The following PI4KA variants were observed in gnomAD, a reference collection of about 807,000 sequenced individuals.
The protein encoded by PI4KA is phosphatidylinositol 4-kinase alpha, also known as PI4-kinase alpha.
A neutral mutation model predicts 271.4 loss-of-function variants in PI4KA; 122 were observed. The ratio of observed to expected loss-of-function variants is 0.45; its 90% CI spans 0.39 to 0.52. The LOEUF is 0.52. Among genes scored for constraint, PI4KA ranks in the 20% least tolerant of loss-of-function variants. The pLI is 0.00. For synonymous variants in PI4KA, 1,041 were observed against 1,078.8 expected, an observed-to-expected ratio of 0.96 and a Z score of 0.69; for missense variants, 1,969 against 2,769.1, an observed-to-expected ratio of 0.71 and a Z score of 6.48.
chr22:20,816,615 G>C (rs117301753), intron 7 of PI4KA, among the ~76,000 whole-genome samples: 4,497 of 152,240 alleles, frequency 0.03, 88 homozygotes, highest in Middle Eastern at 0.061. Flanking sequence ...CTGGGTGACA[G>C]AGCAGGACCC....
intron 29 of PI4KA, 148 bp downstream of exon 29, chr22:20,747,435 G>T: frequency 4.3e-6 from 3 of 701,288 alleles, no homozygotes; most frequent in East Asian, 2.9e-5. Context: ...GGTGCGGCTT[G>T]CACCACTACC....
chr22:20,751,328 G>A lies in PI4KA; in HGVS notation c.3118C>T (p.Arg1040Trp), dbSNP rs763652573. The A allele has an allele frequency of 7.4e-6, 12 of 1,613,944 alleles. No individual in the cohort carries two copies. Among genetic ancestry groups the A allele is most frequent in the African/African-American group, 5.3e-5 (4 of 74,904 alleles). The change falls in exon 27 of 55, where the codon CGG (arginine) becomes TGG (tryptophan). Residue 1040 changes from arginine to tryptophan, a missense_variant. Arg to Trp is a moderately radical substitution (Grantham distance 101). Coordinates refer to ENST00000255882, the MANE Select transcript of PI4KA (RefSeq NM_058004.4). ...PYYDIPDAPY[R>W]ITVPDTYEAR... ...TCGTACGTGTCAGGAACCGTGATCC[G>A]GTAGGGGGCGTCGGGGATGTCATAG... is the stretch of plus-strand genomic sequence containing the variant.
intron 4 of PI4KA, among the ~76,000 whole-genome samples, chr22:20,822,051 G>T (rs1019276635): frequency 3.9e-5 from 6 of 152,146 alleles, no homozygotes; most frequent in African/African-American, 1.4e-4. Flanking sequence ...GACGTGTGAG[G>T]GTCACTTGAG....
intron 22 of PI4KA, among the ~76,000 whole-genome samples, chr22:20,762,969 T>A (rs1287777476): frequency 7.6e-6 from 1 of 130,824 alleles, no homozygotes; most frequent in African/African-American, 2.9e-5. Context: ...TAGCTGGGAC[T>A]ACAGGCATGT....
At chr22:20,825,074 A>AAAAAAT (rs1020577515) in intron 3 of PI4KA, among the ~76,000 whole-genome samples, 7 of 151,600 alleles carry the variant, frequency 4.6e-5, no homozygotes, top group African/African-American at 1.7e-4. Context: ...CATCTCAAAA[A>AAAAAAT]AAAAAAAAAA....
chr22:20,820,484 A>C, intron 5 of PI4KA, 55 bp downstream of exon 5: 2 of 1,134,526 alleles, frequency 1.8e-6, no homozygotes, highest in East Asian at 2.3e-5. Context: ...GGAGAAAAGC[A>C]AGGGAAAGAG....
At chr22:20,754,501 G>A (rs1409709662) in intron 23 of PI4KA, among the ~76,000 whole-genome samples, 1 of 152,194 alleles carries the variant, frequency 6.6e-6, no homozygotes, top group Non-Finnish European at 1.5e-5. Flanking sequence ...CCACCACAGC[G>A]ATTGATATTT....
chr22:20,858,611 C>T lies in PI4KA; in HGVS notation c.115G>A (p.Ala39Thr). 6.7e-6 allele frequency: 10 copies of T among 1,482,480 alleles called. No individual in the cohort carries two copies. The highest frequency in any genetic ancestry group is 7.1e-6 in the Non-Finnish European group (8 of 1,121,872). The allele number at this position is 1,482,480 out of a possible 1,614,324, so 91.8% of individuals were successfully genotyped here. A position where few individuals can be genotyped will look rare whatever the true frequency, so the allele number is the denominator to read the frequency against. The change falls in exon 1 of 55, where the codon GCC becomes ACC. Residue 39 changes from alanine to threonine, a missense_variant. Physicochemically the swap from Ala to Thr is moderately conservative, Grantham distance 58. This residue lies in a region of PI4KA where 540 missense variants were observed against 555.5 expected (regional missense o/e 0.97). Transcript: ENST00000255882. ...GFYFNTVLSL[A>T]RSLAVQRPAS... The stretch of plus-strand genomic sequence containing the variant: ...GGTCTCTGCACCGCCAGGGAGCGGG[C>T]CAGTGACAGGACCGTGTTGAAATAG...
intron 50 of PI4KA, 94 bp from the exon 51 acceptor site, chr22:20,711,555 C>A: frequency 8.6e-7 from 1 of 1,168,420 alleles, no homozygotes. Context: ...TGTGGGCACT[C>A]TCCCTGGCTC....
rs760557848 is a variant in PI4KA, at chr22:20,786,036, TGGA to T, written c.2328+7154_2328+7156del. The T allele has an allele frequency of 2.5e-6, 4 of 1,614,058 alleles. No individual in the cohort carries two copies. The African/African-American group carries it at 4.0e-5, about 16-fold the overall frequency. The stretch of plus-strand genomic sequence containing the variant: ...GAAGTGCTTCTGCCGAAATTCAAGC[TGGA>T]GAAGAACTACAATCTAGTGGAGTCC... On this transcript the variant is annotated intron_variant, in intron 19 of 54. Transcript: ENST00000255882.
chr22:20,779,624 A>G, intron 19 of PI4KA: 1 of 1,614,262 alleles, frequency 6.2e-7, no homozygotes, highest in Non-Finnish European at 8.5e-7. Context: ...TTTCCCCGAC[A>G]GACTCTGATG....
At chr22:20,838,902 C>T (rs775617456) in intron 1 of PI4KA, among the ~76,000 whole-genome samples, 171 bp from the exon 2 acceptor site, 18 of 152,076 alleles carry the variant, frequency 1.2e-4, no homozygotes, top group Middle Eastern at 3.2e-3. Context: ...CATAGTGAGA[C>T]CCTATCTCTT....
chr22:20,750,459 A>G (rs575418261), intron 27 of PI4KA, among the ~76,000 whole-genome samples: 17 of 152,348 alleles, frequency 1.1e-4, no homozygotes, highest in African/African-American at 4.1e-4. Flanking sequence ...CTTTTGCTAC[A>G]GAAGCCCAAG....
chr22:20,800,954 A>C (rs1355828233), intron 14 of PI4KA, among the ~76,000 whole-genome samples: 2 of 148,764 alleles, frequency 1.3e-5, no homozygotes, highest in Non-Finnish European at 3.0e-5. Flanking sequence ...GCAATGGTAC[A>C]ATCTCGGCTC....
intron 2 of PI4KA, among the ~76,000 whole-genome samples, chr22:20,837,346 C>T (rs1461939022): frequency 1.3e-5 from 2 of 151,894 alleles, no homozygotes; most frequent in East Asian, 3.9e-4. Flanking sequence ...CACTGCACTC[C>T]AGCCTAGGCG....
intron 9 of PI4KA, among the ~76,000 whole-genome samples, chr22:20,809,679 A>G (rs1935883976): frequency 6.6e-6 from 1 of 152,172 alleles, no homozygotes; most frequent in Non-Finnish European, 1.5e-5. Flanking sequence ...CTCTGAGACC[A>G]CAAGCTCAGT....
chr22:20,846,703 C>T (rs1179877458), intron 1 of PI4KA, among the ~76,000 whole-genome samples: 3 of 151,500 alleles, frequency 2.0e-5, no homozygotes, highest in Non-Finnish European at 4.4e-5. Flanking sequence ...ATTAGCCAGG[C>T]GTGGGGGCAA....
intron 1 of PI4KA, among the ~76,000 whole-genome samples, chr22:20,851,258 C>T (rs181817864): frequency 1.9e-4 from 29 of 152,170 alleles, no homozygotes; most frequent in Middle Eastern, 3.4e-3. Context: ...GCCTGCAACA[C>T]AGCAAACCCC....
intron 54 of PI4KA, among the ~76,000 whole-genome samples, chr22:20,708,331 C>T (rs1487380818): frequency 2.0e-5 from 3 of 152,114 alleles, no homozygotes; most frequent in African/African-American, 4.8e-5. Flanking sequence ...CCGTGGGAGC[C>T]ACTGCTCTGC....
Sources: gnomAD v4.1 joint callset for allele counts (sites outside exome capture counted in the v4.1 genomes callset) on GRCh38, gnomAD v4.1.1 for gene constraint, gnomAD v4.1.1 regional missense constraint, MANE v1.5 for transcripts, NCBI Gene and HGNC (gene_info 2026-07-23, HGNC 2026-07-21) for gene names.